The following GPLD1 variants were observed in gnomAD, a reference collection of about 807,000 sequenced individuals.
GPLD1 encodes glycosylphosphatidylinositol specific phospholipase D1.
In GPLD1, 84 loss-of-function variants were observed where a neutral mutation model predicts 112.6. That is an observed-to-expected ratio of 0.75 (90% CI 0.63 to 0.89). GPLD1 has a LOEUF of 0.89. Ranked by LOEUF, GPLD1 falls within the 40% of genes least tolerant of loss-of-function variation. The pLI, the probability that GPLD1 is intolerant of heterozygous loss-of-function variation, is 0.00. For missense variants in GPLD1, 1,044 were observed against 1,051.5 expected (o/e 0.99, Z 0.10); for synonymous variants, 386 against 403.8 (o/e 0.96, Z 0.53).
chr6:24,473,828 T>A lies in GPLD1; in HGVS notation c.442-161A>T, dbSNP rs531013147. 5.0e-4 allele frequency among the ~76,000 whole-genome samples: 76 copies of A among 152,024 alleles called. 1 individual carries two copies. Among genetic ancestry groups the A allele is most frequent in the African/African-American group, 1.7e-3 (72 of 41,436 alleles). On this transcript the variant is annotated intron_variant, in intron 5 of 24. Coordinates refer to ENST00000230036, the MANE Select transcript of GPLD1 (RefSeq NM_001503.4). Reference sequence around the variant, plus strand: ...CACTAACATTTTATTAGTAAAAAAATAATAATAATAAAAAGGCAGGGCGCG... The same window carrying A: ...CACTAACATTTTATTAGTAAAAAAAAAATAATAATAAAAAGGCAGGGCGCG...
At chr6:24,451,665 A>G (rs1763093847) in intron 14 of GPLD1, among the ~76,000 whole-genome samples, 1 of 152,216 alleles carries the variant, frequency 6.6e-6, no homozygotes, top group Admixed American at 6.5e-5. Flanking sequence ...CAACTTACAT[A>G]ACAACGAATG....
exon 1 of GPLD1, chr6:24,495,119 G>GGCCCA (rs1764664759): frequency 7.5e-7 from 1 of 1,331,582 alleles, no homozygotes; most frequent in Non-Finnish European, 9.5e-7. Flanking sequence ...CGCCCGGCCC[G>GGCCCA]GCCCAGCTCC....
intron 10 of GPLD1, among the ~76,000 whole-genome samples, chr6:24,465,869 G>A (rs1165627863): frequency 6.6e-6 from 1 of 152,186 alleles, no homozygotes; most frequent in Non-Finnish European, 1.5e-5. Flanking sequence ...GTGTGTGTCG[G>A]GGCATGTAGC....
At chr6:24,487,265 C>A (rs1016913279) in intron 1 of GPLD1, among the ~76,000 whole-genome samples, 1 of 38,884 alleles carries the variant, frequency 2.6e-5, no homozygotes, top group Non-Finnish European at 5.5e-5. Context: ...CCACTCAGGC[C>A]CCTTTATAAG....
At chr6:24,448,079 A>C in intron 16 of GPLD1, 46 bp from the exon 17 acceptor site, 1 of 1,612,722 alleles carries the variant, frequency 6.2e-7, no homozygotes, top group South Asian at 1.1e-5. Flanking sequence ...CCCTGGTGGC[A>C]GTTAGGATAC....
At chr6:24,485,397 T>C (rs1357473796) in intron 2 of GPLD1, among the ~76,000 whole-genome samples, 2 of 152,116 alleles carry the variant, frequency 1.3e-5, no homozygotes, top group East Asian at 3.8e-4. Context: ...AAAGATGTGT[T>C]CTTCTCAGCA....
chr6:24,494,856 G>T (rs1456417350), intron 1 of GPLD1: 2 of 971,422 alleles, frequency 2.1e-6, no homozygotes, highest in Non-Finnish European at 2.6e-6. Flanking sequence ...CTGCTCTGTG[G>T]CTCTGCAACC....
chr6:24,463,975 T>C (rs1216741124), intron 10 of GPLD1, among the ~76,000 whole-genome samples: 2 of 152,202 alleles, frequency 1.3e-5, no homozygotes, highest in Non-Finnish European at 2.9e-5. Context: ...TCAATTATCT[T>C]TTCCTAACGA....
intron 24 of GPLD1, among the ~76,000 whole-genome samples, chr6:24,430,347 C>T (rs1253200922): frequency 2.0e-5 from 3 of 152,234 alleles, no homozygotes; most frequent in Non-Finnish European, 4.4e-5. Context: ...ACTTCTGCTG[C>T]AGTTGCTGTC....
At position 24,488,629 on chromosome 6, in the gene GPLD1, G is replaced by T. The variant is rs200475447; in HGVS notation, c.97+786C>A. On this transcript the variant is annotated intron_variant, in intron 1 of 24. Coordinates refer to ENST00000230036, the MANE Select transcript of GPLD1 (RefSeq NM_001503.4). ...TATGCAAAAAACATGGTAGCTATGTGGGGGGGGCGGATGTGTTAATTAGCT... is the reference window on the plus strand; with the variant it reads ...TATGCAAAAAACATGGTAGCTATGTTGGGGGGGCGGATGTGTTAATTAGCT... 1.1e-4 allele frequency among the ~76,000 whole-genome samples: 11 copies of T among 99,190 alleles called. No homozygotes were observed. In the East Asian group the frequency reaches 2.7e-3, roughly 24 times the overall value. 65.1% of individuals were successfully genotyped at this position (99,190 alleles called of 152,430 possible). A position where few individuals can be genotyped will look rare whatever the true frequency, so the allele number is the denominator to read the frequency against.
intron 4 of GPLD1, 37 bp downstream of exon 4, chr6:24,476,144 G>T: frequency 1.8e-6 from 2 of 1,132,912 alleles, no homozygotes; most frequent in Non-Finnish European, 2.6e-6. Context: ...GGCAGGTTTG[G>T]TGCTAAATAT....
chr6:24,483,924 G>C (rs891650225), intron 2 of GPLD1, among the ~76,000 whole-genome samples: 1 of 151,232 alleles, frequency 6.6e-6, no homozygotes, highest in Non-Finnish European at 1.5e-5. Flanking sequence ...GTTTTGTTTT[G>C]TTTTGAGATG....
In GPLD1 at chr6:24,445,741, G is replaced by A. The variant is rs764702231; in HGVS notation, c.1911C>T (p.Thr637=). ...YFPPNGQSWF[T]ISGDKAMGKL... is the part of the protein sequence containing the mutation. ...CTTGTCATACCTTGTCTCCAGAAAT[G>A]GTAAACCAGCTTTGGCCGTTTGGTG... The change falls in exon 19 of 25, where the codon ACC becomes ACT. Residue 637 remains threonine (T), a synonymous_variant. Transcript: ENST00000230036. The A allele has an allele frequency of 6.2e-7, 1 of 1,613,464 alleles. No homozygotes were observed. The highest frequency in any genetic ancestry group is 8.5e-7 in the Non-Finnish European group (1 of 1,179,534).
rs1326011788 is a variant in GPLD1 at position 24,446,826 on chromosome 6, C to A, written c.1820+12G>T. On this transcript the variant is annotated intron_variant, in intron 18 of 24. Transcript: ENST00000230036. The stretch of plus-strand genomic sequence containing the variant: ...TGTGTTCATGGTTCCCAGCCCCCAG[C>A]ATCAGCCTCACCTGCTGGCATTCTT... The A allele has an allele frequency of 1.2e-6, 2 of 1,612,134 alleles. No individual in the cohort carries two copies. Among genetic ancestry groups the A allele is most frequent in the Non-Finnish European group, 1.7e-6 (2 of 1,179,054 alleles).
At chr6:24,462,818 T>TA (rs1763480120) in intron 10 of GPLD1, 23 bp from the exon 11 acceptor site, 1 of 1,541,708 alleles carries the variant, frequency 6.5e-7, no homozygotes, top group South Asian at 1.1e-5. Flanking sequence ...TCAAATGAGT[T>TA]AGCCATTTAT....
At chr6:24,473,304 A>G (rs925567856) in intron 6 of GPLD1, 3 of 195,314 alleles carry the variant, frequency 1.5e-5, no homozygotes, top group African/African-American at 2.3e-5. Context: ...GTTTAAAGCT[A>G]AAGTATTAGG....
At position 24,449,914 on chromosome 6, in the gene GPLD1, G is replaced by A. The variant is rs747435069; in HGVS notation, c.1336-15C>T. 1.9e-6 allele frequency: 3 copies of A among 1,581,802 alleles called. No homozygotes were observed. The South Asian group carries it at 3.3e-5, about 18-fold the overall frequency. ...CGACCTGAGGGCTGAAGAGGCACAA[G>A]TTTACTTCCCCTGGGCTGAGCCACG... is the stretch of plus-strand genomic sequence containing the variant. On this transcript the variant is annotated splice_polypyrimidine_tract_variant and intron_variant, in intron 14 of 24. Transcript: ENST00000230036.
At chr6:24,484,592 T>TAA (rs1764311940) in intron 2 of GPLD1, among the ~76,000 whole-genome samples, 1 of 152,224 alleles carries the variant, frequency 6.6e-6, no homozygotes, top group South Asian at 2.1e-4. Flanking sequence ...TAACATGTTT[T>TAA]AAATTAATAA....
At chr6:24,433,659 A>AT (rs1762479880) in intron 22 of GPLD1, 2 of 315,706 alleles carry the variant, frequency 6.3e-6, no homozygotes, top group South Asian at 3.9e-5. Flanking sequence ...CGCCCGGTTA[A>AT]TTTTTTTGTA....
Sources: gnomAD v4.1 joint callset for allele counts (sites outside exome capture counted in the v4.1 genomes callset) on GRCh38, gnomAD v4.1.1 for gene constraint, MANE v1.5 for transcripts, NCBI Gene and HGNC (gene_info 2026-07-23, HGNC 2026-07-21) for gene names.